The following RGL1 variants were observed in gnomAD, a reference collection of about 807,000 sequenced individuals.
The protein encoded by RGL1 is ral guanine nucleotide dissociation stimulator like 1.
RGL1 carries 24 observed loss-of-function variants against 95.2 expected under a neutral mutation model. The ratio of observed to expected loss-of-function variants is 0.25; its 90% CI spans 0.18 to 0.35. The LOEUF is 0.35. Ranked by LOEUF, RGL1 falls within the 10% of genes least tolerant of loss-of-function variation. RGL1 has a pLI of 1.00. For missense variants in RGL1, 715 were observed against 936.3 expected (o/e 0.76, Z 3.08); for synonymous variants, 329 against 344.9 (o/e 0.95, Z 0.51).
intron 2 of RGL1, among the ~76,000 whole-genome samples, chr1:183,826,128 A>G (rs1408801248): frequency 1.3e-5 from 2 of 150,932 alleles, no homozygotes; most frequent in Non-Finnish European, 1.5e-5. Flanking sequence ...ATCTTGGCTC[A>G]CCGCAAGCTC....
intron 1 of RGL1, among the ~76,000 whole-genome samples, chr1:183,714,399 C>A (rs1220944542): frequency 1.3e-5 from 2 of 152,292 alleles, no homozygotes; most frequent in South Asian, 2.1e-4. Context: ...AGAACCTATT[C>A]CATCTATTCT....
chr1:183,735,600 G>T lies in RGL1; in HGVS notation c.-32-6526G>T, dbSNP rs74928668. ...CTTATATAGATAGACTTGAAATGCT[G>T]CTGAGATTCCAAAGAGGAAGAGATA... On this transcript the variant is annotated intron_variant, in intron 1 of 18. Transcript: ENST00000304685. Among the ~76,000 whole-genome samples, 274 of 152,270 alleles carry T rather than the reference G, an allele frequency of 1.8e-3. 6 individuals are homozygous for T. In the East Asian group the frequency reaches 0.042, roughly 23 times the overall value.
chr1:183,735,632 ATCT>A (rs1385776737), intron 1 of RGL1, among the ~76,000 whole-genome samples: 3 of 152,178 alleles, frequency 2.0e-5, no homozygotes, highest in Non-Finnish European at 4.4e-5. Flanking sequence ...GATAATAGGA[ATCT>A]GTTGCTCTCT....
intron 1 of RGL1, among the ~76,000 whole-genome samples, chr1:183,709,019 TA>T (rs1179090090): frequency 2.6e-5 from 4 of 152,136 alleles, no homozygotes; most frequent in Non-Finnish European, 5.9e-5. Flanking sequence ...GGCTGAGACC[TA>T]AAATGGCATC....
chr1:183,758,240 A>G (rs1451676539), intron 2 of RGL1, among the ~76,000 whole-genome samples: 2 of 147,910 alleles, frequency 1.4e-5, no homozygotes, highest in East Asian at 3.9e-4. Flanking sequence ...TCTGTCGCCC[A>G]GGCTGGAGTG....
chr1:183,884,247 T>C (rs1242579802), intron 6 of RGL1, among the ~76,000 whole-genome samples: 2 of 152,250 alleles, frequency 1.3e-5, no homozygotes, highest in Non-Finnish European at 2.9e-5. Context: ...CTGAACTGTT[T>C]ATTTGGAGGA....
At chr1:183,643,533 C>T (rs1043616966) in intron 1 of RGL1, among the ~76,000 whole-genome samples, 22 of 152,196 alleles carry the variant, frequency 1.4e-4, no homozygotes, top group African/African-American at 3.9e-4. Flanking sequence ...CCTCGTGATC[C>T]GCCTACCTCG....
chr1:183,836,159 C>G (rs1347457896), intron 2 of RGL1, among the ~76,000 whole-genome samples: 1 of 152,120 alleles, frequency 6.6e-6, no homozygotes, highest in Non-Finnish European at 1.5e-5. Context: ...CTTCTTTCTT[C>G]ATTTACAGTC....
chr1:183,639,575 A>G (rs1003303897), intron 1 of RGL1, among the ~76,000 whole-genome samples: 9 of 151,568 alleles, frequency 5.9e-5, no homozygotes, highest in African/African-American at 1.9e-4. Context: ...TAAAACATGA[A>G]CCTTCAGAAT....
At position 183,847,562 on chromosome 1, in the gene RGL1, A is replaced by T; in HGVS notation, c.139-4A>T. ...CTTATGGTAATTGTTAATTTATTAT[A>T]CAGGTTGAAGGGGACCAGCTGCCTC... On this transcript the variant is annotated splice_polypyrimidine_tract_variant and splice_region_variant and intron_variant, in intron 2 of 17. Transcript: ENST00000360851. 1 of 1,609,922 alleles carries T rather than the reference A, an allele frequency of 6.2e-7. No individual in the cohort carries two copies. The highest frequency in any genetic ancestry group is 8.5e-7 in the Non-Finnish European group (1 of 1,178,138).
intron 8 of RGL1, among the ~76,000 whole-genome samples, chr1:183,889,037 A>G (rs1667271918): frequency 6.6e-6 from 1 of 152,150 alleles, no homozygotes; most frequent in Admixed American, 6.5e-5. Flanking sequence ...AAACTATCTT[A>G]TTGGCATTAA....
At chr1:183,749,173 C>T (rs189457010) in intron 2 of RGL1, among the ~76,000 whole-genome samples, 98 of 152,212 alleles carry the variant, frequency 6.4e-4, no homozygotes, top group African/African-American at 2.3e-3. Context: ...CCTGAATATC[C>T]TTGTTAATTT....
intron 11 of RGL1, among the ~76,000 whole-genome samples, chr1:183,902,283 G>C (rs1290238571): frequency 6.6e-6 from 1 of 152,138 alleles, no homozygotes; most frequent in African/African-American, 2.4e-5. Flanking sequence ...TATCTTTACT[G>C]GTTCTGCAAG....
intron 3 of RGL1, among the ~76,000 whole-genome samples, chr1:183,848,155 G>T (rs3010055): frequency 0.43 from 66,075 of 151,996 alleles, 15,218 homozygotes; most frequent in African/African-American, 0.59. Flanking sequence ...GCTAATATGT[G>T]TGAAGTGTGG....
At chr1:183,766,329 G>A (rs1456754564) in intron 2 of RGL1, among the ~76,000 whole-genome samples, 3 of 151,654 alleles carry the variant, frequency 2.0e-5, no homozygotes, top group Middle Eastern at 3.4e-3. Context: ...AAAATCACTA[G>A]AATGTCTCAC....
intron 1 of RGL1, among the ~76,000 whole-genome samples, chr1:183,708,435 C>T (rs1231450567): frequency 6.6e-6 from 1 of 152,212 alleles, no homozygotes; most frequent in Non-Finnish European, 1.5e-5. Context: ...TAGAGAGTTT[C>T]AGTGCCTCAC....
At chr1:183,743,421 G>T (rs1364776198) in intron 2 of RGL1, among the ~76,000 whole-genome samples, 1 of 152,168 alleles carries the variant, frequency 6.6e-6, no homozygotes, top group Non-Finnish European at 1.5e-5. Context: ...AGAACACTTT[G>T]TCAATGGTAT....
chr1:183,874,037 G>A (rs1212410088), intron 4 of RGL1, among the ~76,000 whole-genome samples: 1 of 152,190 alleles, frequency 6.6e-6, no homozygotes, highest in Non-Finnish European at 1.5e-5. Context: ...TGGGGAATGA[G>A]TTATTGAGGT....
At chr1:183,723,375 T>C (rs1177102962) in intron 1 of RGL1, among the ~76,000 whole-genome samples, 1 of 152,228 alleles carries the variant, frequency 6.6e-6, no homozygotes, top group Non-Finnish European at 1.5e-5. Context: ...CCACTGTACC[T>C]GGTTTTAACT....
Sources: gnomAD v4.1 joint callset for allele counts (sites outside exome capture counted in the v4.1 genomes callset) on GRCh38, gnomAD v4.1.1 for gene constraint, MANE v1.5 for transcripts, NCBI Gene and HGNC (gene_info 2026-07-23, HGNC 2026-07-21) for gene names.